Variants in KCNMA1 observed in about 807,000 individuals in gnomAD.
The protein encoded by KCNMA1 is Calcium-activated potassium channel subunit alpha-1.
Under a neutral mutation model 140.0 loss-of-function variants are expected in KCNMA1, and 29 were observed. The ratio of observed to expected loss-of-function variants is 0.21; its 90% confidence interval spans 0.15 to 0.28. The LOEUF (loss-of-function observed/expected upper bound fraction) is 0.28. Ranked by LOEUF, KCNMA1 falls within the 10% of genes least tolerant of loss-of-function variation. The probability of loss-of-function intolerance (pLI) is 1.00; values close to 1 mark genes in which losing one functional copy is unlikely to be tolerated. For synonymous variants in KCNMA1, 612 were observed against 611.9 expected (o/e 1.00, Z 0.00); for missense variants, 880 against 1,602.2 (o/e 0.55, Z 7.70).
chr10:77,517,011 C>A (rs1079035), intron 1 of KCNMA1, among the ~76,000 whole-genome samples: 8,268 of 114,846 alleles, frequency 0.072, 680 homozygotes, highest in African/African-American at 0.2. Context: ...AAAAAAAAAA[C>A]AAAAGGTGAG....
chr10:77,189,157 A>T (rs1343065042), intron 3 of KCNMA1, among the ~76,000 whole-genome samples: 2 of 152,050 alleles, frequency 1.3e-5, no homozygotes, highest in Non-Finnish European at 2.9e-5. Flanking sequence ...TTCCCAGATA[A>T]TGGGGATGCT....
chr10:77,587,187 T>A (rs2077492879), intron 1 of KCNMA1: 1 of 152,092 alleles, frequency 6.6e-6, no homozygotes, highest in Non-Finnish European at 1.5e-5. Context: ...GAACTTATTC[T>A]TCCTGCCACA....
In KCNMA1 at chr10:77,073,293, A is replaced by G. The variant is rs535642167; in HGVS notation, c.1594-41T>C. ...CAGGTATGAGACCTTGCTCTGTTAA[A>G]TGTTCAATTGTTTAACATTTCTTCT... is the stretch of plus-strand genomic sequence containing the variant. On this transcript the variant is annotated intron_variant, in intron 13 of 27. Transcript: ENST00000286628. 37 of 1,603,368 alleles carry G rather than the reference A, an allele frequency of 2.3e-5. 1 individual carries two copies. Among genetic ancestry groups the G allele is most frequent in the Admixed American group, 1.8e-4 (11 of 59,932 alleles).
intron 20 of KCNMA1, among the ~76,000 whole-genome samples, chr10:76,958,691 G>A (rs2069480842): frequency 6.6e-6 from 1 of 152,124 alleles, no homozygotes; most frequent in Non-Finnish European, 1.5e-5. Flanking sequence ...TGAAGACAGA[G>A]GGAAAAGACA....
chr10:77,132,243 TAGA>T (rs2097878161), intron 5 of KCNMA1, among the ~76,000 whole-genome samples: 2 of 152,250 alleles, frequency 1.3e-5, no homozygotes, highest in South Asian at 4.1e-4. Context: ...GCCAGCTTAA[TAGA>T]AGAATGGGCA....
At chr10:76,974,265 T>A (rs1489654119) in intron 19 of KCNMA1, 3 of 505,384 alleles carry the variant, frequency 5.9e-6, no homozygotes, top group Non-Finnish European at 1.0e-5. Context: ...CCGACTGAAG[T>A]CTTGCACAAG....
chr10:77,326,538 G>A (rs1184666492), intron 2 of KCNMA1, among the ~76,000 whole-genome samples: 1 of 152,028 alleles, frequency 6.6e-6, no homozygotes, highest in Non-Finnish European at 1.5e-5. Flanking sequence ...GGTGGTGGTG[G>A]TGACAGTGAT....
chr10:77,413,842 T>G (rs186711309), intron 1 of KCNMA1, among the ~76,000 whole-genome samples: 17 of 152,324 alleles, frequency 1.1e-4, no homozygotes, highest in African/African-American at 3.6e-4. Flanking sequence ...AGGGACACAC[T>G]GTCCACAGAT....
At chr10:77,015,674 T>C (rs767585115) in intron 17 of KCNMA1, among the ~76,000 whole-genome samples, 10 of 152,162 alleles carry the variant, frequency 6.6e-5, no homozygotes, top group Admixed American at 3.3e-4. Flanking sequence ...AACTTCCTAC[T>C]ACCCAAAACT....
In KCNMA1 at chr10:76,914,919, C is replaced by A. The variant is rs185614130; in HGVS notation, c.3016+17G>T. 52 of 1,552,028 alleles carry A rather than the reference C, an allele frequency of 3.4e-5. No homozygotes were observed. In the East Asian group the frequency reaches 1.1e-3, roughly 34 times the overall value. On this transcript the variant is annotated intron_variant, in intron 24 of 27. Transcript: ENST00000286628. ...GACAGAACAAAAACTCCCCCCAAAGCTGACATTGACCCCTACCTAGTTCAG... is the reference window on the plus strand; with the variant it reads ...GACAGAACAAAAACTCCCCCCAAAGATGACATTGACCCCTACCTAGTTCAG...
intron 15 of KCNMA1, among the ~76,000 whole-genome samples, chr10:77,034,129 A>G (rs1189501489): frequency 6.6e-6 from 1 of 151,798 alleles, no homozygotes. Context: ...CTCTAGTCCC[A>G]GCTACTTGGG....
intron 25 of KCNMA1, 147 bp downstream of exon 25, chr10:76,909,819 A>G: frequency 1.3e-6 from 1 of 795,388 alleles, no homozygotes; most frequent in Non-Finnish European, 2.1e-6. Flanking sequence ...TGGTTTTATA[A>G]TGTGGGTCTC....
At chr10:77,256,873 G>A (rs1402026117) in intron 2 of KCNMA1, among the ~76,000 whole-genome samples, 1 of 152,086 alleles carries the variant, frequency 6.6e-6, no homozygotes, top group Non-Finnish European at 1.5e-5. Flanking sequence ...GGAGGCCAAG[G>A]CAGGAAGATT....
At chr10:76,914,374 C>T in intron 24 of KCNMA1, 1 of 532,128 alleles carries the variant, frequency 1.9e-6, no homozygotes, top group Non-Finnish European at 3.3e-6. Context: ...CAACATGGCC[C>T]TCAAAACCCC....
chr10:77,152,608 G>A (rs1229848893), intron 5 of KCNMA1, among the ~76,000 whole-genome samples: 3 of 152,150 alleles, frequency 2.0e-5, no homozygotes. Context: ...TGAGGGGGCT[G>A]GGGCATTGAT....
chr10:77,524,583 G>T (rs2054849045), intron 1 of KCNMA1, among the ~76,000 whole-genome samples: 1 of 152,176 alleles, frequency 6.6e-6, no homozygotes, highest in Non-Finnish European at 1.5e-5. Context: ...CAGCATGGTG[G>T]TATGTGTGGT....
At chr10:77,260,774 A>G (rs2061794904) in intron 2 of KCNMA1, among the ~76,000 whole-genome samples, 1 of 152,164 alleles carries the variant, frequency 6.6e-6, no homozygotes, top group Non-Finnish European at 1.5e-5. Context: ...GAGAGGAGTG[A>G]GGGAAACAAC....
intron 2 of KCNMA1, among the ~76,000 whole-genome samples, chr10:77,369,629 C>G (rs759275692): frequency 1.3e-5 from 2 of 152,166 alleles, no homozygotes; most frequent in Non-Finnish European, 2.9e-5. Context: ...TCTGAGGCCC[C>G]ACCTATATTT....
chr10:77,273,756 A>G (rs1460297523), intron 2 of KCNMA1, among the ~76,000 whole-genome samples: 1 of 152,186 alleles, frequency 6.6e-6, no homozygotes, highest in African/African-American at 2.4e-5. Flanking sequence ...GGAGGGTGGA[A>G]AGCAGTCCAC....
Sources: gnomAD v4.1 joint callset for allele counts (sites outside exome capture counted in the v4.1 genomes callset) on GRCh38, gnomAD v4.1.1 for gene constraint, MANE v1.5 for transcripts, NCBI Gene and HGNC (gene_info 2026-07-23, HGNC 2026-07-21) for gene names.